SENP7: variants seen among roughly 807,000 people sequenced by gnomAD.
SENP7 encodes the protein SUMO specific peptidase 7, also known as sentrin-specific protease 7.
In SENP7, 64 loss-of-function variants were observed where a neutral mutation model predicts 141.2. The ratio of observed to expected loss-of-function variants is 0.45; its 90% CI spans 0.37 to 0.56. SENP7 has a LOEUF of 0.56. SENP7 is among the 20% of genes least tolerant of loss of function. The probability of loss-of-function intolerance (pLI) is 0.00; values close to 1 mark genes in which losing one functional copy is unlikely to be tolerated. For missense variants in SENP7, 1,025 were observed against 1,212.2 expected (o/e 0.85, Z 2.29); for synonymous variants, 382 against 426.4 (o/e 0.90, Z 1.28).
At chr3:101,372,569 G>A (rs535709871) in intron 6 of SENP7, among the ~76,000 whole-genome samples, 18 of 152,044 alleles carry the variant, frequency 1.2e-4, no homozygotes, top group African/African-American at 4.3e-4. Flanking sequence ...AGTAGTATGT[G>A]GTAATAAATT....
intron 10 of SENP7, 127 bp downstream of exon 10, chr3:101,364,707 T>G (rs1458288951): frequency 1.6e-6 from 1 of 610,128 alleles, no homozygotes; most frequent in Non-Finnish European, 2.7e-6. Context: ...ATAAAAGTTG[T>G]CTGAAAATTC....
At chr3:101,332,937 T>C (rs1385947336) in intron 17 of SENP7, 75 bp from the exon 18 acceptor site, 1 of 1,338,670 alleles carries the variant, frequency 7.5e-7, no homozygotes, top group Non-Finnish European at 1.0e-6. Context: ...GCCATTTTTA[T>C]ATATTGAAAT....
intron 19 of SENP7, among the ~76,000 whole-genome samples, chr3:101,330,874 T>G (rs930680261): frequency 1.3e-5 from 2 of 152,222 alleles, no homozygotes; most frequent in Non-Finnish European, 2.9e-5. Context: ...TTCAATCAGC[T>G]TACTGCTTAG....
Position 101,361,785 on chromosome 3 carries a change from A to G in SENP7, c.1553T>C (p.Leu518Pro). ...AGAAGTAAATATAAAATCCAGTTGT[A>G]GATCCATCTCATTACTAGGCATAAT... is the stretch of plus-strand genomic sequence containing the variant. The part of the protein sequence containing the change: ...SSIMPSNEMD[L>P]QLDFIFTSVY... Residue 518 changes from leucine to proline, a missense_variant, in exon 11 of 24, where the codon CTA (leucine) becomes CCA (proline). Coordinates refer to ENST00000394095, the MANE Select transcript of SENP7 (RefSeq NM_020654.5). 1.2e-6 allele frequency: 2 copies of G among 1,609,080 alleles called. No individual in the cohort carries two copies. The highest frequency in any genetic ancestry group is 2.2e-5 in the East Asian group (1 of 44,500).
chr3:101,492,508 A>C (rs981721668), intron 3 of SENP7, among the ~76,000 whole-genome samples: 3 of 152,212 alleles, frequency 2.0e-5, no homozygotes, highest in Non-Finnish European at 4.4e-5. Flanking sequence ...CCCAAAATTC[A>C]TATGTTGAAG....
intron 18 of SENP7, 26 bp downstream of exon 18, chr3:101,332,744 G>C (rs750995203): frequency 2.8e-6 from 4 of 1,429,438 alleles, no homozygotes; most frequent in East Asian, 5.2e-5. Flanking sequence ...TTTCCAATAT[G>C]TTCTTAAATA....
intron 3 of SENP7, among the ~76,000 whole-genome samples, chr3:101,492,017 G>A (rs1201336225): frequency 3.3e-5 from 5 of 152,070 alleles, no homozygotes; most frequent in Admixed American, 1.3e-4. Flanking sequence ...GCTTGAACCC[G>A]GAAGGCAGAG....
At chr3:101,394,775 G>A (rs2060920713) in intron 6 of SENP7, among the ~76,000 whole-genome samples, 1 of 151,978 alleles carries the variant, frequency 6.6e-6, no homozygotes, top group African/African-American at 2.4e-5. Context: ...AACAGTGTAT[G>A]AGAGTTCCCT....
chr3:101,401,197 T>C (rs1029907193), intron 5 of SENP7, among the ~76,000 whole-genome samples: 2 of 151,702 alleles, frequency 1.3e-5, no homozygotes, highest in East Asian at 1.9e-4. Context: ...CAGAGTCAAG[T>C]TGTGAATGAG....
rs2060074722 is a variant in SENP7 at position 101,367,706 on chromosome 3, A to G, written c.978+124T>C. 1.8e-5 allele frequency: 11 copies of G among 625,678 alleles called. No individual in the cohort carries two copies. In the South Asian group the frequency reaches 3.0e-4, roughly 17 times the overall value. The allele number at this position is 625,678 out of a possible 1,614,324, so 38.8% of individuals were successfully genotyped here. On this transcript the variant is annotated intron_variant, in intron 8 of 23. Transcript: ENST00000394095. ...TTTTTAATAATAAAGCTAACAGTGA[A>G]CCAAAAACTAAAGAAATCTCATAAT...
At chr3:101,390,518 A>C in intron 6 of SENP7, among the ~76,000 whole-genome samples, 1 of 152,220 alleles carries the variant, frequency 6.6e-6, no homozygotes, top group Non-Finnish European at 1.5e-5. Flanking sequence ...AAAGAACTAC[A>C]TTATATAATG....
chr3:101,333,573 A>T (rs1459033107), intron 17 of SENP7, among the ~76,000 whole-genome samples: 1 of 152,176 alleles, frequency 6.6e-6, no homozygotes, highest in East Asian at 1.9e-4. Flanking sequence ...ATCTTAATGG[A>T]GGAGGAAAAA....
chr3:101,463,398 C>CATATATATATATATATATACAT (rs2063647876), intron 3 of SENP7, among the ~76,000 whole-genome samples: 1 of 58,694 alleles, frequency 1.7e-5, no homozygotes, highest in Non-Finnish European at 3.5e-5. Context: ...TATATATATA[C>CATATATATATATATATATACAT]ATATATATAT....
At chr3:101,503,842 T>C (rs111732757) in intron 1 of SENP7, among the ~76,000 whole-genome samples, 6 of 151,424 alleles carry the variant, frequency 4.0e-5, no homozygotes, top group African/African-American at 1.5e-4. Context: ...AGCTACTCAG[T>C]AGGCTGAGGT....
intron 6 of SENP7, among the ~76,000 whole-genome samples, chr3:101,392,406 C>T (rs1315843214): frequency 2.0e-5 from 3 of 152,044 alleles, no homozygotes; most frequent in Non-Finnish European, 2.9e-5. Context: ...ATACCAGCAA[C>T]GAACTAGCTG....
chr3:101,328,689 T>C lies in SENP7; in HGVS notation c.2752A>G (p.Ser918Gly), dbSNP rs377420365. 1.9e-6 allele frequency: 3 copies of C among 1,603,372 alleles called. No individual in the cohort carries two copies. The highest frequency in any genetic ancestry group is 2.6e-6 in the Non-Finnish European group (3 of 1,173,058). Residue 918 changes from serine (S) to glycine (G), a missense_variant and splice_region_variant, in exon 21 of 24, where the codon AGT becomes GGT. This residue lies in a region of SENP7 where 295 missense variants were observed against 459.1 expected (regional missense o/e 0.64). Transcript: ENST00000394095. ...TLSLSAEDSQSTESNMSVPKK... is the reference protein window; with the variant it reads ...TLSLSAEDSQGTESNMSVPKK... The stretch of plus-strand genomic sequence containing the variant: ...GGTACTGACATATTCGACTCGGTAC[T>C]CTGAAATAACATAAATTTTTATGAC...
chr3:101,409,680 T>C (rs1437751852), intron 5 of SENP7, among the ~76,000 whole-genome samples: 1 of 151,952 alleles, frequency 6.6e-6, no homozygotes, highest in Non-Finnish European at 1.5e-5. Context: ...AAACATAAAG[T>C]GAGGAAAGAA....
At chr3:101,357,053 T>C (rs187527970) in intron 11 of SENP7, among the ~76,000 whole-genome samples, 1 of 151,996 alleles carries the variant, frequency 6.6e-6, no homozygotes, top group East Asian at 1.9e-4. Context: ...CAGGCTGGAG[T>C]GCAATGGCGC....
chr3:101,511,665 A>C (rs2065863105), intron 1 of SENP7, among the ~76,000 whole-genome samples: 1 of 152,242 alleles, frequency 6.6e-6, no homozygotes, highest in Non-Finnish European at 1.5e-5. Flanking sequence ...CATTGGTTGC[A>C]TATGAAAAGG....
Sources: gnomAD v4.1 joint callset for allele counts (sites outside exome capture counted in the v4.1 genomes callset) on GRCh38, gnomAD v4.1.1 for gene constraint, gnomAD v4.1.1 regional missense constraint, MANE v1.5 for transcripts, NCBI Gene and HGNC (gene_info 2026-07-23, HGNC 2026-07-21) for gene names.